Variants in ALCAM observed in about 807,000 individuals in gnomAD.
The protein encoded by ALCAM is activated leukocyte cell adhesion molecule.
In ALCAM, 30 loss-of-function variants were observed where a neutral mutation model predicts 70.9. The ratio of observed to expected loss-of-function variants is 0.42; its 90% CI spans 0.32 to 0.57. The LOEUF (loss-of-function observed/expected upper bound fraction) is 0.57, where lower values mean the gene tolerates loss of function less well. Ranked by LOEUF, ALCAM falls within the 20% of genes least tolerant of loss-of-function variation. The pLI, the probability that ALCAM is intolerant of heterozygous loss-of-function variation, is 0.11. For missense variants in ALCAM, 591 were observed against 695.1 expected, an observed-to-expected ratio of 0.85 and a Z score of 1.68; for synonymous variants, 249 against 242.5, an observed-to-expected ratio of 1.03 and a Z score of -0.25.
At chr3:105,487,775 G>A (rs537447683) in intron 1 of ALCAM, among the ~76,000 whole-genome samples, 3 of 152,210 alleles carry the variant, frequency 2.0e-5, no homozygotes, top group African/African-American at 4.8e-5. Flanking sequence ...GACTTTCAGC[G>A]AGAAAACAAA....
intron 1 of ALCAM, among the ~76,000 whole-genome samples, chr3:105,491,529 A>G (rs777329389): frequency 1.3e-5 from 2 of 152,178 alleles, no homozygotes; most frequent in East Asian, 3.8e-4. Flanking sequence ...TCCAAATCAT[A>G]TCTTTGTGAA....
At chr3:105,454,413 T>C (rs1242984815) in intron 1 of ALCAM, among the ~76,000 whole-genome samples, 12 of 152,140 alleles carry the variant, frequency 7.9e-5, no homozygotes, top group Non-Finnish European at 1.3e-4. Context: ...ATCTGGGTAC[T>C]GAATATGTAA....
chr3:105,450,716 T>C (rs982592117), intron 1 of ALCAM, among the ~76,000 whole-genome samples: 1 of 152,166 alleles, frequency 6.6e-6, no homozygotes, highest in Non-Finnish European at 1.5e-5. Flanking sequence ...ATGGTGAATA[T>C]GTATTTTGGT....
intron 14 of ALCAM, among the ~76,000 whole-genome samples, chr3:105,568,788 C>G (rs1349129054): frequency 6.6e-6 from 1 of 152,130 alleles, no homozygotes; most frequent in Non-Finnish European, 1.5e-5. Context: ...TTATTTTTGT[C>G]ACTCTCAAAT....
chr3:105,508,230 C>T (rs1165115614), intron 1 of ALCAM, among the ~76,000 whole-genome samples: 1 of 152,038 alleles, frequency 6.6e-6, no homozygotes, highest in African/African-American at 2.4e-5. Context: ...TTAATACTTT[C>T]CAAAACAATA....
At chr3:105,493,013 A>AT (rs1382927985) in intron 1 of ALCAM, among the ~76,000 whole-genome samples, 1 of 152,140 alleles carries the variant, frequency 6.6e-6, no homozygotes, top group Non-Finnish European at 1.5e-5. Flanking sequence ...TACTTTAGAT[A>AT]TTTTTTAGGT....
intron 1 of ALCAM, among the ~76,000 whole-genome samples, chr3:105,407,389 A>C (rs1184783080): frequency 6.6e-6 from 1 of 152,190 alleles, no homozygotes; most frequent in Non-Finnish European, 1.5e-5. Flanking sequence ...AGTGGGTTTC[A>C]TACCAGGGAT....
At chr3:105,447,014 C>T (rs577060795) in intron 1 of ALCAM, among the ~76,000 whole-genome samples, 27 of 151,944 alleles carry the variant, frequency 1.8e-4, no homozygotes, top group African/African-American at 5.8e-4. Flanking sequence ...TGAATGTTCT[C>T]GCCACAAAAA....
At chr3:105,409,716 A>T (rs972868024) in intron 1 of ALCAM, among the ~76,000 whole-genome samples, 1 of 152,056 alleles carries the variant, frequency 6.6e-6, no homozygotes, top group African/African-American at 2.4e-5. Flanking sequence ...TTAAAAAAAA[A>T]TTAAAAAGAA....
intron 1 of ALCAM, among the ~76,000 whole-genome samples, chr3:105,482,516 AT>A (rs1194543808): frequency 6.6e-6 from 1 of 152,124 alleles, no homozygotes; most frequent in Non-Finnish European, 1.5e-5. Context: ...TACTCTCATT[AT>A]TTTAGTATAG....
chr3:105,469,007 GTCATT>G (rs367663274), intron 1 of ALCAM, among the ~76,000 whole-genome samples: 88,566 of 150,924 alleles, frequency 0.59, 26,557 homozygotes, highest in East Asian at 0.89. Flanking sequence ...TTTTGAACTG[GTCATT>G]TTGGTCATTA....
intron 14 of ALCAM, among the ~76,000 whole-genome samples, chr3:105,558,163 G>A (rs2152633343): frequency 6.6e-6 from 1 of 152,160 alleles, no homozygotes; most frequent in South Asian, 2.1e-4. Flanking sequence ...ACTCTACACT[G>A]CCAAGATGCC....
At chr3:105,513,036 C>T (rs1939278650) in intron 1 of ALCAM, among the ~76,000 whole-genome samples, 1 of 151,818 alleles carries the variant, frequency 6.6e-6, no homozygotes, top group Non-Finnish European at 1.5e-5. Flanking sequence ...TTTTTACACA[C>T]AAAATCTAGA....
At chr3:105,385,834 GTTAC>G (rs1270276766) in intron 1 of ALCAM, among the ~76,000 whole-genome samples, 1 of 151,634 alleles carries the variant, frequency 6.6e-6, no homozygotes, top group South Asian at 2.1e-4. Flanking sequence ...TCTAAAGAAT[GTTAC>G]TTAATAGTAA....
intron 1 of ALCAM, among the ~76,000 whole-genome samples, chr3:105,405,560 A>G (rs1053979345): frequency 6.6e-6 from 1 of 152,206 alleles, no homozygotes; most frequent in African/African-American, 2.4e-5. Context: ...TGGACTTAAC[A>G]GATATTTACA....
At chr3:105,540,788 TA>T (rs1230401267) in intron 7 of ALCAM, among the ~76,000 whole-genome samples, 2 of 152,066 alleles carry the variant, frequency 1.3e-5, no homozygotes, top group African/African-American at 2.4e-5. Flanking sequence ...ATACTGCATT[TA>T]CTGCAGGGTT....
intron 7 of ALCAM, 105 bp from the exon 8 acceptor site, chr3:105,541,528 C>G: frequency 8.2e-7 from 1 of 1,223,198 alleles, no homozygotes. Context: ...GAAACACATT[C>G]CCTTTTTTAT....
intron 1 of ALCAM, among the ~76,000 whole-genome samples, chr3:105,420,604 C>A (rs1936624190): frequency 6.6e-6 from 1 of 151,646 alleles, no homozygotes; most frequent in South Asian, 2.1e-4. Context: ...CCTTAGCTCA[C>A]AGGACATTTA....
chr3:105,573,100 G>A (rs1422607714), intron 15 of ALCAM, among the ~76,000 whole-genome samples: 1 of 152,176 alleles, frequency 6.6e-6, no homozygotes, highest in Non-Finnish European at 1.5e-5. Context: ...TGAGGCGGGT[G>A]GATCACTGGA....
Sources: gnomAD v4.1 joint callset for allele counts (sites outside exome capture counted in the v4.1 genomes callset) on GRCh38, gnomAD v4.1.1 for gene constraint, MANE v1.5 for transcripts, NCBI Gene and HGNC (gene_info 2026-07-23, HGNC 2026-07-21) for gene names.